The following RORB variants were observed in gnomAD, a reference collection of about 807,000 sequenced individuals.
The protein encoded by RORB is RAR related orphan receptor B.
Under a neutral mutation model 59.1 loss-of-function variants are expected in RORB, and 6 were observed. The observed-to-expected ratio is 0.10, with a 90% CI of 0.06 to 0.20. RORB has a LOEUF of 0.20. Among genes scored for constraint, RORB ranks in the 10% least tolerant of loss-of-function variants. The pLI, the probability that RORB is intolerant of heterozygous loss-of-function variation, is 1.00. For synonymous variants in RORB, 215 were observed against 204.5 expected (o/e 1.05, Z -0.44); for missense variants, 320 against 560.5 (o/e 0.57, Z 4.33).
At chr9:74,526,976 A>G (rs2118086294) in intron 1 of RORB, among the ~76,000 whole-genome samples, 1 of 152,090 alleles carries the variant, frequency 6.6e-6, no homozygotes, top group Middle Eastern at 3.4e-3. Context: ...CGTTGGGATT[A>G]AAGAGCTAAA....
At chr9:74,642,101 T>G (rs1823817099) in intron 3 of RORB, among the ~76,000 whole-genome samples, 1 of 152,184 alleles carries the variant, frequency 6.6e-6, no homozygotes, top group African/African-American at 2.4e-5. Flanking sequence ...TTTTGCATTT[T>G]TTTCCACAGG....
At chr9:74,622,566 G>A (rs773566748) in intron 1 of RORB, among the ~76,000 whole-genome samples, 18 of 117,470 alleles carry the variant, frequency 1.5e-4, no homozygotes, top group East Asian at 2.6e-4. Flanking sequence ...TCGGTCTGTC[G>A]CCCAGGCCGG....
intron 9 of RORB, among the ~76,000 whole-genome samples, chr9:74,675,714 G>A (rs903630166): frequency 1.3e-5 from 2 of 152,150 alleles, no homozygotes; most frequent in African/African-American, 2.4e-5. Context: ...TGCAAAGCCC[G>A]GGTTCAGAGG....
intron 1 of RORB, among the ~76,000 whole-genome samples, chr9:74,510,607 C>T (rs1825924125): frequency 6.6e-6 from 1 of 152,106 alleles, no homozygotes; most frequent in Admixed American, 6.6e-5. Flanking sequence ...GTCTCAATGA[C>T]ACACCCAACA....
intron 3 of RORB, among the ~76,000 whole-genome samples, chr9:74,636,876 G>C (rs144068531): frequency 1.6e-3 from 246 of 152,142 alleles, no homozygotes; most frequent in African/African-American, 5.7e-3. Flanking sequence ...GAGAAAGTTT[G>C]GTCTGAACCT....
At chr9:74,534,928 G>A (rs1826298964) in intron 1 of RORB, among the ~76,000 whole-genome samples, 1 of 151,984 alleles carries the variant, frequency 6.6e-6, no homozygotes, top group South Asian at 2.1e-4. Flanking sequence ...GACAAATCCA[G>A]GCAAAGAACA....
intron 1 of RORB, among the ~76,000 whole-genome samples, chr9:74,568,495 T>A (rs527260721): frequency 6.7e-6 from 1 of 150,244 alleles, no homozygotes; most frequent in East Asian, 2.0e-4. Flanking sequence ...AGGTCAGGAG[T>A]TCAAGACCAG....
intron 9 of RORB, among the ~76,000 whole-genome samples, chr9:74,673,689 A>G (rs1824386700): frequency 6.6e-6 from 1 of 152,190 alleles, no homozygotes; most frequent in South Asian, 2.1e-4. Context: ...TGTAGATCAG[A>G]TTAACTTCCC....
At chr9:74,658,004 CAAAAAAAAAAAAAA>C (rs60719147) in intron 4 of RORB, among the ~76,000 whole-genome samples, 1 of 97,830 alleles carries the variant, frequency 1.0e-5, no homozygotes, top group Non-Finnish European at 1.9e-5. Context: ...GACTCGGTCT[CAAAAAAAAAAAAAA>C]AAAAAAAAAA....
intron 4 of RORB, among the ~76,000 whole-genome samples, chr9:74,651,077 GGTGCAGTTTT>G (rs1170246398): frequency 6.6e-6 from 1 of 152,070 alleles, no homozygotes; most frequent in African/African-American, 2.4e-5. Context: ...GGCGTGTGGA[GGTGCAGTTTT>G]TAAGAAGACT....
chr9:74,557,345 T>G (rs1822320997), intron 1 of RORB, among the ~76,000 whole-genome samples: 1 of 152,156 alleles, frequency 6.6e-6, no homozygotes, highest in South Asian at 2.1e-4. Flanking sequence ...TAACCCCAGT[T>G]GCTGCTGGCA....
chr9:74,613,340 TC>T (rs1823262166), intron 1 of RORB, among the ~76,000 whole-genome samples: 1 of 152,216 alleles, frequency 6.6e-6, no homozygotes, highest in African/African-American at 2.4e-5. Context: ...AGCCCAAGGT[TC>T]TTTGCTAAAG....
chr9:74,635,511 A>G (rs1315160698), intron 3 of RORB, among the ~76,000 whole-genome samples: 4 of 152,186 alleles, frequency 2.6e-5, no homozygotes, highest in African/African-American at 7.2e-5. Flanking sequence ...TCATTCATTC[A>G]TCCAAAGTAA....
intron 1 of RORB, among the ~76,000 whole-genome samples, chr9:74,586,795 G>A (rs1221003555): frequency 6.6e-6 from 1 of 152,174 alleles, no homozygotes; most frequent in African/African-American, 2.4e-5. Context: ...ACCAGAGCAT[G>A]TGCCAGTATC....
At chr9:74,662,341 T>C in intron 5 of RORB, 133 bp from the exon 6 acceptor site, 3 of 868,116 alleles carry the variant, frequency 3.5e-6, no homozygotes, top group Non-Finnish European at 5.3e-6. Flanking sequence ...GCCCTCCTTT[T>C]TTAAAGGAAT....
At position 74,584,794 on chromosome 9, in the gene RORB, T is replaced by C. The variant is rs550044707; in HGVS notation, c.8-45488T>C. ...ATAGACCCTCAGACTCATGGAGCTATAGGAAAAAGGGAGGCAGGAGCCACA... is the reference window on the plus strand; with the variant it reads ...ATAGACCCTCAGACTCATGGAGCTACAGGAAAAAGGGAGGCAGGAGCCACA... On this transcript the variant is annotated intron_variant, in intron 1 of 9. Transcript: ENST00000376896. 9.2e-5 allele frequency among the ~76,000 whole-genome samples: 14 copies of C among 152,214 alleles called. No individual in the cohort carries two copies. The South Asian group carries it at 2.9e-3, about 32-fold the overall frequency.
Position 74,635,859 on chromosome 9 carries a change from G to A in RORB, c.235+1087G>A, listed in dbSNP as rs77016608. Among the ~76,000 whole-genome samples the A allele has an allele frequency of 9.9e-3, 1,496 of 151,650 alleles. 21 individuals are homozygous for A. The highest frequency in any genetic ancestry group is 0.018 in the Admixed American group (266 of 15,158). On this transcript the variant is annotated intron_variant, in intron 3 of 9. Coordinates refer to ENST00000376896, the MANE Select transcript of RORB (RefSeq NM_006914.4). ...ATAATTGGCATACATTTAGTATAAAGGGATTTTGTGAGTGATTAGATTCTT... is the reference window on the plus strand; with the variant it reads ...ATAATTGGCATACATTTAGTATAAAAGGATTTTGTGAGTGATTAGATTCTT...
chr9:74,592,329 A>C (rs577309120), intron 1 of RORB, among the ~76,000 whole-genome samples: 23 of 152,360 alleles, frequency 1.5e-4, no homozygotes, highest in African/African-American at 5.5e-4. Context: ...AAAATCACTT[A>C]TAAAAGTGAT....
intron 1 of RORB, among the ~76,000 whole-genome samples, chr9:74,521,126 G>C (rs1443813300): frequency 6.6e-6 from 1 of 151,836 alleles, no homozygotes; most frequent in Non-Finnish European, 1.5e-5. Context: ...CACCAAGCTT[G>C]AGCTGAAACT....
Sources: allele counts gnomAD v4.1 joint callset (sites outside exome capture counted in the v4.1 genomes callset), GRCh38; gene constraint gnomAD v4.1.1; transcripts MANE v1.5; gene names NCBI Gene and HGNC (gene_info 2026-07-23, HGNC 2026-07-21).